Variants in ZNF124 observed in about 807,000 individuals in gnomAD.
The protein encoded by ZNF124 is zinc finger protein HZF-16.
In ZNF124, 25 loss-of-function variants were observed where a neutral mutation model predicts 26.6. The observed-to-expected ratio is 0.94, with a 90% confidence interval of 0.68 to 1.31. The LOEUF is 1.31. Among genes scored for constraint, ZNF124 ranks in the 40% most tolerant of loss-of-function variants. The pLI, the probability that ZNF124 is intolerant of heterozygous loss-of-function variation, is 0.00. For synonymous variants in ZNF124, 129 were observed against 133.3 expected (o/e 0.97, Z 0.22); for missense variants, 444 against 422.2 (o/e 1.05, Z -0.45).
intron 3 of ZNF124, among the ~76,000 whole-genome samples, chr1:247,137,823 A>T (rs1159737829): frequency 6.6e-6 from 1 of 152,230 alleles, no homozygotes; most frequent in Non-Finnish European, 1.5e-5. Flanking sequence ...TTCTCAAAAG[A>T]AGACATTTAT....
chr1:247,142,841 C>CTTTT (rs56080219), intron 3 of ZNF124, among the ~76,000 whole-genome samples: 30 of 143,774 alleles, frequency 2.1e-4, no homozygotes, highest in Non-Finnish European at 3.8e-4. Flanking sequence ...CAGGTATTGT[C>CTTTT]TTTTTTTTTT....
intron 1 of ZNF124, among the ~76,000 whole-genome samples, chr1:247,163,820 G>A (rs1223081258): frequency 2.6e-5 from 4 of 151,958 alleles, no homozygotes; most frequent in Non-Finnish European, 5.9e-5. Context: ...ACAACACATG[G>A]CAGGCATACA....
intron 1 of ZNF124, among the ~76,000 whole-genome samples, chr1:247,160,960 A>G (rs1449567951): frequency 6.6e-6 from 1 of 152,262 alleles, no homozygotes; most frequent in Non-Finnish European, 1.5e-5. Context: ...GCAGAATAGA[A>G]TAAGTGAAAA....
chr1:247,153,132 C>CAA (rs34244288), downstream of ZNF124, among the ~76,000 whole-genome samples: 9 of 117,104 alleles, frequency 7.7e-5, no homozygotes, highest in East Asian at 2.4e-4. Flanking sequence ...GACTCCATCT[C>CAA]AAAAAAAAAA....
At chr1:247,164,119 A>G (rs1460511190) in intron 1 of ZNF124, among the ~76,000 whole-genome samples, 2 of 152,226 alleles carry the variant, frequency 1.3e-5, no homozygotes, top group Non-Finnish European at 2.9e-5. Context: ...AACCCTCAAC[A>G]AACTAGGCAT....
chr1:247,163,608 A>C (rs1347521255), intron 1 of ZNF124, among the ~76,000 whole-genome samples: 3 of 152,174 alleles, frequency 2.0e-5, no homozygotes, highest in Non-Finnish European at 4.4e-5. Context: ...GGAATCCCTG[A>C]ACAGAAAAAT....
chr1:247,138,404 G>A, intron 3 of ZNF124: 1 of 199,342 alleles, frequency 5.0e-6, no homozygotes, highest in Non-Finnish European at 9.8e-6. Context: ...ACTCATAAGT[G>A]AGAGCTGAAC....
At chr1:247,148,804 C>CAA (rs5782416) in intron 3 of ZNF124, among the ~76,000 whole-genome samples, 1 of 147,072 alleles carries the variant, frequency 6.8e-6, no homozygotes, top group East Asian at 2.0e-4. Context: ...ACTAAAAATA[C>CAA]AAAAAAAAAA....
In ZNF124 at chr1:247,125,430, C is replaced by CTTTTTTTTTTTTTTTTTTTTTTTTTT. The variant is rs71566695; in HGVS notation, c.219-1585_219-1560dup. Among the ~76,000 whole-genome samples, 37 of 43,298 alleles carry CTTTTTTTTTTTTTTTTTTTTTTTTTT rather than the reference C, an allele frequency of 8.5e-4. 10 individuals carry two copies. The highest frequency in any genetic ancestry group is 1.3e-3 in the Admixed American group (4 of 3,184). The allele number at this position is 43,298 out of a possible 152,430, so 28.4% of individuals were successfully genotyped here. A position where few individuals can be genotyped will look rare whatever the true frequency, so the allele number is the denominator to read the frequency against. ...TATCTTCACCGACACCTGTTTTTGT[C>CTTTTTTTTTTTTTTTTTTTTTTTTTT]TTTTTTTTTTTTTTTTTTTTTTTTT... is the stretch of plus-strand genomic sequence containing the variant. On this transcript the variant is annotated intron_variant, in intron 3 of 3. Transcript: ENST00000472531.
intron 3 of ZNF124, among the ~76,000 whole-genome samples, chr1:247,134,114 C>T (rs1037132011): frequency 2.0e-5 from 3 of 151,934 alleles, no homozygotes; most frequent in Admixed American, 6.6e-5. Context: ...GCACTAAATA[C>T]GGAAAGAAAA....
chr1:247,136,644 T>C (rs1159052175), intron 3 of ZNF124, among the ~76,000 whole-genome samples: 1 of 152,126 alleles, frequency 6.6e-6, no homozygotes, highest in Non-Finnish European at 1.5e-5. Context: ...GCAAAAACTA[T>C]TTAAAATTTC....
At chr1:247,158,630 GGTT>G (rs1673290156) in intron 3 of ZNF124, among the ~76,000 whole-genome samples, 1 of 151,484 alleles carries the variant, frequency 6.6e-6, no homozygotes, top group Non-Finnish European at 1.5e-5. Context: ...TTGTTTGCTT[GGTT>G]TTTTTTTTTC....
chr1:247,154,557 A>G (rs76920202), downstream of ZNF124, among the ~76,000 whole-genome samples: 782 of 152,344 alleles, frequency 5.1e-3, 10 homozygotes, highest in African/African-American at 0.018. Flanking sequence ...ACTATAAACT[A>G]TGCTAGGGTA....
chr1:247,159,029 G>A lies in ZNF124; in HGVS notation c.195C>T (p.Tyr65=), dbSNP rs747155005. 1.2e-6 allele frequency: 2 copies of A among 1,613,348 alleles called. No individual in the cohort carries two copies. The highest frequency in any genetic ancestry group is 1.1e-5 in the South Asian group (1 of 90,856). Residue 65 remains tyrosine (Y), a synonymous_variant, in exon 3 of 4, where the codon TAC becomes TAT. Coordinates refer to ENST00000543802, the MANE Select transcript of ZNF124 (RefSeq NM_001297568.2). ...KGEDQSIEDQ[Y]KNSSRNLRHI... ...ACCTTAGATTTCTTGAAGAATTTTT[G>A]TACTGATCTTCAATGCTCTGGTCTT... is the stretch of plus-strand genomic sequence containing the variant.
upstream of ZNF124, chr1:247,172,091 T>C (rs1047975037): frequency 9.3e-6 from 1 of 106,980 alleles, no homozygotes; most frequent in African/African-American, 3.8e-5. Flanking sequence ...GTGCCCCTGA[T>C]TGGGTAGGGC....
In ZNF124 at chr1:247,141,170, G is replaced by A. The variant is rs537737697; in HGVS notation, c.219-17299C>T. Among the ~76,000 whole-genome samples, 34 of 152,296 alleles carry A rather than the reference G, an allele frequency of 2.2e-4. 1 individual carries two copies. Among genetic ancestry groups the A allele is most frequent in the Admixed American group, 1.5e-3 (23 of 15,304 alleles). ...TCCTATCTGGTGACAAGCAGGGGGA[G>A]TGGGTGGAACCTGTGGGAGATGAAC... On this transcript the variant is annotated intron_variant, in intron 3 of 3. Coordinates refer to the ZNF124 transcript ENST00000472531.
intron 1 of ZNF124, among the ~76,000 whole-genome samples, chr1:247,161,715 A>AT (rs1197446110): frequency 1.3e-5 from 2 of 152,084 alleles, no homozygotes; most frequent in Non-Finnish European, 2.9e-5. Flanking sequence ...AAAGAGATCC[A>AT]TTTTCTTGGT....
At chr1:247,135,499 T>C (rs1439924028) in intron 3 of ZNF124, among the ~76,000 whole-genome samples, 1 of 152,146 alleles carries the variant, frequency 6.6e-6, no homozygotes, top group African/African-American at 2.4e-5. Context: ...CATCCCTAAG[T>C]AGACCAATAA....
At chr1:247,150,026 CAAT>C (rs1268396918), downstream of ZNF124, 5 of 152,194 alleles carry the variant, frequency 3.3e-5, no homozygotes, top group African/African-American at 1.2e-4. Context: ...TCATTCATCT[CAAT>C]GATGAGGGCA....
Sources: gnomAD v4.1 joint callset for allele counts (sites outside exome capture counted in the v4.1 genomes callset) on GRCh38, gnomAD v4.1.1 for gene constraint, MANE v1.5 for transcripts, NCBI Gene and HGNC (gene_info 2026-07-23, HGNC 2026-07-21) for gene names.